Variants in ZNF384 observed in about 807,000 individuals in gnomAD.
The protein encoded by ZNF384 is CAG repeat protein 1.
Under a neutral mutation model 65.0 loss-of-function variants are expected in ZNF384, and 20 were observed. The observed-to-expected ratio is 0.31, with a 90% CI of 0.22 to 0.45. The LOEUF is 0.45. ZNF384 is among the 20% of genes least tolerant of loss of function. ZNF384 has a pLI of 1.00. For synonymous variants in ZNF384, 310 were observed against 303.9 expected, an observed-to-expected ratio of 1.02 and a Z score of -0.21; for missense variants, 549 against 769.4, an observed-to-expected ratio of 0.71 and a Z score of 3.39.
chr12:6,674,216 T>C (rs1368341374), intron 7 of ZNF384, among the ~76,000 whole-genome samples: 4 of 152,220 alleles, frequency 2.6e-5, no homozygotes, highest in Non-Finnish European at 5.9e-5. Flanking sequence ...CCCTAGCACA[T>C]GGAGCCAGTG....
intron 2 of ZNF384, among the ~76,000 whole-genome samples, chr12:6,685,280 G>A (rs1174937037): frequency 6.7e-6 from 1 of 149,062 alleles, no homozygotes; most frequent in African/African-American, 2.5e-5. Context: ...CCATTATCAC[G>A]CCACTGCACT....
chr12:6,687,475 C>A (rs1958352889), intron 2 of ZNF384, among the ~76,000 whole-genome samples: 1 of 152,116 alleles, frequency 6.6e-6, no homozygotes, highest in Non-Finnish European at 1.5e-5. Context: ...GGCTCAGAAA[C>A]CCACAGGGCA....
At chr12:6,687,642 T>G (rs552730025) in intron 2 of ZNF384, among the ~76,000 whole-genome samples, 1 of 149,502 alleles carries the variant, frequency 6.7e-6, no homozygotes, top group South Asian at 2.1e-4. Flanking sequence ...CATGAAGCAG[T>G]TTTTTTTTTC....
chr12:6,681,988 T>C lies in ZNF384; in HGVS notation c.-5-2463A>G, dbSNP rs1005091572. On this transcript the variant is annotated intron_variant, in intron 2 of 11. Coordinates refer to ENST00000683879, the MANE Select transcript of ZNF384 (RefSeq NM_001385745.1). The stretch of plus-strand genomic sequence containing the variant: ...GGTACTAACTTGGTCCTTCCAGCCA[T>C]AGCTTTACAAAGGGGTCTTACGGCT... Among the ~76,000 whole-genome samples, 8 of 152,108 alleles carry C rather than the reference T, an allele frequency of 5.3e-5. No individual in the cohort carries two copies. In the South Asian group the frequency reaches 1.7e-3, roughly 32 times the overall value.
Position 6,667,844 on chromosome 12 carries a change from T to C in ZNF384, c.1697A>G (p.Asp566Gly), listed in dbSNP as rs765564220. 6.2e-6 allele frequency: 10 copies of C among 1,614,114 alleles called. No individual in the cohort carries two copies. Among genetic ancestry groups the C allele is most frequent in the Non-Finnish European group, 8.5e-6 (10 of 1,180,020 alleles). ...GAAPQGGGGG[D>G]SNPNPPPQCS... ...CTGGGGTGGAGGGTTGGGATTGCTG[T>C]CCCCACCACCCCCACCCTGGGGGGC... The change falls in exon 12 of 12, where the codon GAC becomes GGC. Residue 566 changes from aspartate to glycine, a missense_variant. Physicochemically the swap from Asp to Gly is moderately conservative, Grantham distance 94. Transcript: ENST00000683879.
Position 6,682,573 on chromosome 12 carries a change from G to A in ZNF384, c.-5-3048C>T, listed in dbSNP as rs546204582. ...TAAGGCAGGAGAATCATTTAAGCCC[G>A]AGAGGCAGAGGCTGAAGTCAGTAGA... On this transcript the variant is annotated intron_variant, in intron 2 of 11. Coordinates refer to ENST00000683879, the MANE Select transcript of ZNF384 (RefSeq NM_001385745.1). Among the ~76,000 whole-genome samples the A allele has an allele frequency of 2.6e-5, 4 of 152,124 alleles. No homozygotes were observed. The South Asian group carries it at 8.3e-4, about 32-fold the overall frequency.
At chr12:6,680,017 C>T (rs1955322034) in intron 2 of ZNF384, among the ~76,000 whole-genome samples, 1 of 152,246 alleles carries the variant, frequency 6.6e-6, no homozygotes, top group South Asian at 2.1e-4. Flanking sequence ...CTTACTCTGT[C>T]ACCCAGGCTA....
chr12:6,670,379 G>T (rs915488074), intron 10 of ZNF384, among the ~76,000 whole-genome samples: 1 of 145,962 alleles, frequency 6.9e-6, no homozygotes, highest in Admixed American at 6.7e-5. Context: ...AGTGGGCCAT[G>T]ATAACACCAC....
chr12:6,688,055 T>G (rs1029046974), intron 2 of ZNF384, 112 bp downstream of exon 2: 2 of 152,552 alleles, frequency 1.3e-5, no homozygotes, highest in African/African-American at 4.8e-5. Context: ...AGCATTACAA[T>G]TGCTATTACT....
chr12:6,674,383 T>C (rs550186914), intron 7 of ZNF384, among the ~76,000 whole-genome samples: 1 of 152,358 alleles, frequency 6.6e-6, no homozygotes, highest in African/African-American at 2.4e-5. Flanking sequence ...GTAAAAGCTA[T>C]CTTTCATTTT....
rs369027356 is a variant in ZNF384, at chr12:6,678,488, G to A, written c.353-28C>T. The stretch of plus-strand genomic sequence containing the variant: ...AGGATTGGGAGAAAAAGGAGATGGC[G>A]TCATGTTGTTCAGTCCTGATCCTAA... On this transcript the variant is annotated intron_variant, in intron 5 of 11. Transcript: ENST00000683879. This position sits in a 1 kb window ranked among gnomAD's most constrained non-coding sequence, Gnocchi z 4.9. 1.3e-4 allele frequency: 197 copies of A among 1,560,804 alleles called. 3 individuals are homozygous for A. The South Asian group carries it at 1.6e-3, about 12-fold the overall frequency.
chr12:6,667,987 CTGAGCCTGAGCCTGGGCT>C lies in ZNF384; in HGVS notation c.1536_1553del (p.Gln522_Ala527del). ...CCTGGGCCTGGGCCTGGGCTTGAGCCTGAGCCTGAGCCTGGGCTTGAGCTTGAGCCTGGGCCTGGGCCA... is the reference window on the plus strand; with the variant it reads ...CCTGGGCCTGGGCCTGGGCTTGAGCCTGAGCTTGAGCCTGGGCCTGGGCCA... On this transcript the variant is annotated inframe_deletion, in exon 12 of 12. Coordinates refer to ENST00000683879, the MANE Select transcript of ZNF384 (RefSeq NM_001385745.1). 6.2e-7 allele frequency: 1 copy of C among 1,612,430 alleles called. No homozygotes were observed. Among genetic ancestry groups the C allele is most frequent in the Admixed American group, 1.7e-5 (1 of 59,900 alleles).
In ZNF384 at chr12:6,670,952, C is replaced by T. The variant is rs151290484; in HGVS notation, c.1188-114G>A. On this transcript the variant is annotated intron_variant, in intron 9 of 11. Transcript: ENST00000683879. ...CTCCTAAGGAGGCACATCAGATGGGCCTCCAAGAGGCACCAGCCTTCCTCT... is the reference window on the plus strand; with the variant it reads ...CTCCTAAGGAGGCACATCAGATGGGTCTCCAAGAGGCACCAGCCTTCCTCT... 9.2e-5 allele frequency: 77 copies of T among 838,842 alleles called. No individual in the cohort carries two copies. In the African/African-American group the frequency reaches 9.4e-4, roughly 10 times the overall value. 52.0% of individuals were successfully genotyped at this position (838,842 alleles called of 1,614,324 possible).
intron 2 of ZNF384, among the ~76,000 whole-genome samples, chr12:6,681,093 C>T (rs965862830): frequency 1.3e-5 from 2 of 151,982 alleles, no homozygotes; most frequent in Non-Finnish European, 2.9e-5. Context: ...GTGGCGCATG[C>T]CTGTAATCCC....
intron 2 of ZNF384, among the ~76,000 whole-genome samples, chr12:6,685,744 T>C (rs1957659748): frequency 8.2e-6 from 1 of 121,890 alleles, no homozygotes; most frequent in Admixed American, 1.1e-4. Context: ...ACCACTGCAC[T>C]CCAGCCTGGG....
At chr12:6,682,743 C>T (rs1160387379) in intron 2 of ZNF384, among the ~76,000 whole-genome samples, 1 of 152,158 alleles carries the variant, frequency 6.6e-6, no homozygotes, top group East Asian at 1.9e-4. Context: ...TTCAATCTTG[C>T]CAAACTTTTT....
Position 6,668,026 on chromosome 12 carries a change from GGCCACTGCT to G in ZNF384, c.1506_1514del (p.Ala503_Ala505del), listed in dbSNP as rs778462578. On this transcript the variant is annotated inframe_deletion, in exon 12 of 12. Transcript: ENST00000683879. ...GGGCTTGAGCTTGAGCCTGGGCCTG[GGCCACTGCT>G]GCCGCTGCTGCTGCTGCCTGCACCT... 2.5e-6 allele frequency: 4 copies of G among 1,613,538 alleles called. No homozygotes were observed. In the South Asian group the frequency reaches 4.4e-5, roughly 18 times the overall value.
At chr12:6,670,048 C>G (rs1950942826) in intron 10 of ZNF384, among the ~76,000 whole-genome samples, 1 of 151,992 alleles carries the variant, frequency 6.6e-6, no homozygotes, top group Non-Finnish European at 1.5e-5. Context: ...TACATGTAAC[C>G]CTTACAGAGG....
Position 6,678,754 on chromosome 12 carries a change from G to A in ZNF384, c.305-44C>T, listed in dbSNP as rs1954738624. Reference sequence around the variant, plus strand: ...AGAATGTCACCTCCTCAAAGGCAGGGACCGCATCTTCTACTTCTTTGTATC... The same window carrying A: ...AGAATGTCACCTCCTCAAAGGCAGGAACCGCATCTTCTACTTCTTTGTATC... On this transcript the variant is annotated intron_variant, in intron 4 of 11. Transcript: ENST00000683879. This position sits in a 1 kb window ranked among gnomAD's most constrained non-coding sequence, Gnocchi z 4.9. 6.2e-7 allele frequency: 1 copy of A among 1,604,828 alleles called. No homozygotes were observed. Among genetic ancestry groups the A allele is most frequent in the African/African-American group, 1.3e-5 (1 of 74,794 alleles).
Sources: allele counts gnomAD v4.1 joint callset (sites outside exome capture counted in the v4.1 genomes callset), GRCh38; gene constraint gnomAD v4.1.1; non-coding constraint Gnocchi (gnomAD v3.1); transcripts MANE v1.5; gene names NCBI Gene and HGNC (gene_info 2026-07-23, HGNC 2026-07-21).